The following SLC9A9 variants were observed in gnomAD, a reference collection of about 807,000 sequenced individuals.
SLC9A9 encodes solute carrier family 9 member A9.
SLC9A9 carries 62 observed loss-of-function variants against 77.8 expected under a neutral mutation model. The observed-to-expected ratio is 0.80, with a 90% confidence interval of 0.65 to 0.98. The LOEUF (loss-of-function observed/expected upper bound fraction) is 0.98, where lower values mean the gene tolerates loss of function less well. Ranked by LOEUF, SLC9A9 falls within the 50% of genes least tolerant of loss-of-function variation. The probability of loss-of-function intolerance (pLI) is 0.00; values close to 1 mark genes in which losing one functional copy is unlikely to be tolerated. For missense variants in SLC9A9, 775 were observed against 774.9 expected, an observed-to-expected ratio of 1.00 and a Z score of 0.00; for synonymous variants, 320 against 283.5, an observed-to-expected ratio of 1.13 and a Z score of -1.29.
chr3:143,730,968 A>T (rs1209916300), intron 4 of SLC9A9, among the ~76,000 whole-genome samples: 2 of 152,324 alleles, frequency 1.3e-5, no homozygotes, highest in South Asian at 2.1e-4. Context: ...TTTTCATTAG[A>T]TCAACAGACT....
chr3:143,344,113 T>A lies in SLC9A9; in HGVS notation c.1604+19371A>T, dbSNP rs186354150. Among the ~76,000 whole-genome samples, 288 of 152,304 alleles carry A rather than the reference T, an allele frequency of 1.9e-3. 2 individuals are homozygous for A. The highest frequency in any genetic ancestry group is 6.4e-3 in the African/African-American group (268 of 41,566). The stretch of plus-strand genomic sequence containing the variant: ...TTTATGCCAGTTTTCTCTGATGTCA[T>A]CTGTTGTTCAGGTTAACAATTAGCT... On this transcript the variant is annotated intron_variant, in intron 14 of 15. Coordinates refer to ENST00000316549, the MANE Select transcript of SLC9A9 (RefSeq NM_173653.4).
At chr3:143,310,308 G>A (rs73868771) in intron 14 of SLC9A9, among the ~76,000 whole-genome samples, 1 of 152,290 alleles carries the variant, frequency 6.6e-6, no homozygotes, top group African/African-American at 2.4e-5. Flanking sequence ...GTTTGAGCCT[G>A]CCTGCAAGTG....
chr3:143,387,315 A>G (rs1179041507), intron 12 of SLC9A9, among the ~76,000 whole-genome samples: 1 of 152,224 alleles, frequency 6.6e-6, no homozygotes, highest in East Asian at 1.9e-4. Context: ...ATACATTACT[A>G]TAAAGAATAG....
At chr3:143,418,922 A>G (rs2034248475) in intron 12 of SLC9A9, among the ~76,000 whole-genome samples, 1 of 152,140 alleles carries the variant, frequency 6.6e-6, no homozygotes, top group South Asian at 2.1e-4. Flanking sequence ...CTGCTTTTAT[A>G]CACAATGATT....
At chr3:143,461,575 C>T (rs1345932963) in intron 12 of SLC9A9, among the ~76,000 whole-genome samples, 3 of 152,006 alleles carry the variant, frequency 2.0e-5, no homozygotes, top group Non-Finnish European at 4.4e-5. Flanking sequence ...ATCATTATTC[C>T]AATTTTACAG....
chr3:143,488,790 A>T (rs1482923470), intron 11 of SLC9A9, among the ~76,000 whole-genome samples: 1 of 152,048 alleles, frequency 6.6e-6, no homozygotes, highest in Non-Finnish European at 1.5e-5. Flanking sequence ...TATCATACTC[A>T]ATGGTGAAAG....
At chr3:143,523,268 T>A (rs574144362) in intron 9 of SLC9A9, among the ~76,000 whole-genome samples, 1 of 152,282 alleles carries the variant, frequency 6.6e-6, no homozygotes, top group South Asian at 2.1e-4. Context: ...GCTTTCAAAG[T>A]GTATGATTTT....
chr3:143,780,637 T>C (rs546721675), intron 4 of SLC9A9, among the ~76,000 whole-genome samples: 26 of 152,290 alleles, frequency 1.7e-4, no homozygotes, highest in East Asian at 3.9e-4. Context: ...TTCTAAGGGA[T>C]TGGAAAGGGA....
chr3:143,576,265 T>C (rs2037357572), intron 7 of SLC9A9, among the ~76,000 whole-genome samples: 1 of 152,256 alleles, frequency 6.6e-6, no homozygotes, highest in South Asian at 2.1e-4. Context: ...TAACAGTATC[T>C]ACCTTCCAGT....
chr3:143,484,130 C>G (rs2035617568), intron 11 of SLC9A9, among the ~76,000 whole-genome samples: 1 of 152,164 alleles, frequency 6.6e-6, no homozygotes, highest in Non-Finnish European at 1.5e-5. Context: ...ATTCATGAAG[C>G]AGGCCAACTA....
rs922100366 is a variant in SLC9A9 at position 143,656,457 on chromosome 3, T to G, written c.650-4097A>C. ...TGACAATTTTTTTTAAACTGCTGTC[T>G]TTTCAGCTGACCACTTTCTTGATGC... On this transcript the variant is annotated intron_variant, in intron 5 of 15. Transcript: ENST00000316549. Among the ~76,000 whole-genome samples the G allele has an allele frequency of 3.9e-5, 6 of 152,312 alleles. 1 individual carries two copies. The South Asian group carries it at 6.2e-4, about 16-fold the overall frequency.
chr3:143,279,484 T>G (rs992550733), intron 14 of SLC9A9, among the ~76,000 whole-genome samples: 1 of 152,194 alleles, frequency 6.6e-6, no homozygotes, highest in Non-Finnish European at 1.5e-5. Flanking sequence ...TACATAGGTA[T>G]ACACGTGCCA....
chr3:143,395,090 A>T (rs1205947547), intron 12 of SLC9A9, among the ~76,000 whole-genome samples: 2 of 152,224 alleles, frequency 1.3e-5, no homozygotes, highest in African/African-American at 2.4e-5. Flanking sequence ...CAGAATTGGA[A>T]AAAACTACTT....
At chr3:143,508,985 T>A (rs1458000045) in intron 9 of SLC9A9, among the ~76,000 whole-genome samples, 1 of 152,176 alleles carries the variant, frequency 6.6e-6, no homozygotes, top group Admixed American at 6.5e-5. Flanking sequence ...GTTTACTTGA[T>A]TTAACTAACA....
intron 14 of SLC9A9, among the ~76,000 whole-genome samples, chr3:143,355,719 G>T (rs568950184): frequency 6.6e-6 from 1 of 152,182 alleles, no homozygotes; most frequent in Non-Finnish European, 1.5e-5. Context: ...CAGGTGCATC[G>T]CAAGTGCCCA....
chr3:143,579,730 T>C (rs1032757990), intron 6 of SLC9A9, among the ~76,000 whole-genome samples: 2 of 152,188 alleles, frequency 1.3e-5, no homozygotes, highest in Non-Finnish European at 2.9e-5. Context: ...AAAAGTACAC[T>C]AGACACATTG....
intron 12 of SLC9A9, among the ~76,000 whole-genome samples, chr3:143,386,426 G>A (rs2033427702): frequency 1.3e-5 from 2 of 152,182 alleles, no homozygotes. Flanking sequence ...GAAAAATGTG[G>A]CTCTGCCTCT....
rs546759117 is a variant in SLC9A9 at position 143,317,758 on chromosome 3, C to T, written c.1604+45726G>A. Among the ~76,000 whole-genome samples, 7 of 152,094 alleles carry T rather than the reference C, an allele frequency of 4.6e-5. No homozygotes were observed. In the South Asian group the frequency reaches 8.3e-4, roughly 18 times the overall value. On this transcript the variant is annotated intron_variant, in intron 14 of 15. Coordinates refer to ENST00000316549, the MANE Select transcript of SLC9A9 (RefSeq NM_173653.4). ...TTTCTTTTCTTTTGAGACAGAGTCT[C>T]GCTCTGTCACCCAGGCTGGAGTGCA...
In SLC9A9 at chr3:143,266,617, T is replaced by TC; in HGVS notation, c.*84dup. The TC allele has an allele frequency of 7.4e-7, 1 of 1,358,464 alleles. No individual in the cohort carries two copies. Among genetic ancestry groups the TC allele is most frequent in the South Asian group, 1.2e-5 (1 of 82,726 alleles). 84.2% of individuals were successfully genotyped at this position (1,358,464 alleles called of 1,614,324 possible). The stretch of plus-strand genomic sequence containing the variant: ...TGCTCTTAATATGTTTTCCAGCCTC[T>TC]CCCCTGTACTGCCTCATCAGCTTGG... On this transcript the variant is annotated 3_prime_UTR_variant, in exon 16 of 16. Coordinates refer to ENST00000316549, the MANE Select transcript of SLC9A9 (RefSeq NM_173653.4).
Sources: gnomAD v4.1 joint callset for allele counts (sites outside exome capture counted in the v4.1 genomes callset) on GRCh38, gnomAD v4.1.1 for gene constraint, MANE v1.5 for transcripts, NCBI Gene and HGNC (gene_info 2026-07-23, HGNC 2026-07-21) for gene names.